AGTPBP1: variants seen among roughly 807,000 people sequenced by gnomAD.
AGTPBP1 encodes the protein cytosolic carboxypeptidase 1.
A neutral mutation model predicts 143.9 loss-of-function variants in AGTPBP1; 70 were observed. That is an observed-to-expected ratio of 0.49 (90% CI 0.40 to 0.59). The LOEUF (loss-of-function observed/expected upper bound fraction) is 0.59. Among genes scored for constraint, AGTPBP1 ranks in the 20% least tolerant of loss-of-function variants. The probability of loss-of-function intolerance (pLI) is 0.00; values close to 1 mark genes in which losing one functional copy is unlikely to be tolerated. For synonymous variants in AGTPBP1, 463 were observed against 500.2 expected (o/e 0.93, Z 0.99); for missense variants, 1,229 against 1,464.5 (o/e 0.84, Z 2.62).
intron 2 of AGTPBP1, among the ~76,000 whole-genome samples, chr9:85,707,286 G>A (rs902649130): frequency 6.6e-6 from 1 of 152,000 alleles, no homozygotes; most frequent in Non-Finnish European, 1.5e-5. Flanking sequence ...ACAGTAGAAC[G>A]GAAATCTTTC....
At chr9:85,721,662 C>G (rs62570607) in intron 1 of AGTPBP1, among the ~76,000 whole-genome samples, 2,258 of 152,128 alleles carry the variant, frequency 0.015, 25 homozygotes, top group Middle Eastern at 0.037. Flanking sequence ...GGCATTTAGC[C>G]CATTTACATT....
chr9:85,667,594 GT>G (rs1020087239), intron 8 of AGTPBP1, among the ~76,000 whole-genome samples: 1 of 152,044 alleles, frequency 6.6e-6, no homozygotes, highest in Non-Finnish European at 1.5e-5. Flanking sequence ...ATAAAACAAA[GT>G]TGCCAGCTCC....
intron 2 of AGTPBP1, among the ~76,000 whole-genome samples, chr9:85,703,616 A>G (rs1564163331): frequency 6.6e-6 from 1 of 152,248 alleles, no homozygotes; most frequent in Non-Finnish European, 1.5e-5. Flanking sequence ...TCAGAGTAAC[A>G]CTAGAGGATG....
At chr9:85,796,713 C>G in the AGTPBP1 span, among the ~76,000 whole-genome samples, 1 of 152,162 alleles carries the variant, frequency 6.6e-6, no homozygotes, top group Non-Finnish European at 1.5e-5. Flanking sequence ...GTGATTATTA[C>G]ACATTGCATG....
chr9:85,685,468 T>C (rs1015494938), intron 3 of AGTPBP1, among the ~76,000 whole-genome samples: 10 of 152,034 alleles, frequency 6.6e-5, no homozygotes, highest in African/African-American at 2.2e-4. Context: ...GGAAACACAA[T>C]TGTAAGCACA....
chr9:85,785,298 C>T, the AGTPBP1 span, among the ~76,000 whole-genome samples: 1 of 151,966 alleles, frequency 6.6e-6, no homozygotes, highest in African/African-American at 2.4e-5. Context: ...CACACCACTG[C>T]ACTCCAACCT....
At chr9:85,701,763 G>A (rs770904937) in intron 2 of AGTPBP1, among the ~76,000 whole-genome samples, 3 of 152,148 alleles carry the variant, frequency 2.0e-5, no homozygotes, top group Non-Finnish European at 4.4e-5. Flanking sequence ...CAACTTAGAT[G>A]TACTACCTTT....
intron 25 of AGTPBP1, among the ~76,000 whole-genome samples, chr9:85,555,849 A>C (rs1587615908): frequency 6.6e-6 from 1 of 152,256 alleles, no homozygotes; most frequent in African/African-American, 2.4e-5. Context: ...AAACCAAAAC[A>C]CAGAAATAGA....
At chr9:85,578,553 T>C (rs941086508) in intron 24 of AGTPBP1, among the ~76,000 whole-genome samples, 1 of 152,156 alleles carries the variant, frequency 6.6e-6, no homozygotes, top group Admixed American at 6.5e-5. Flanking sequence ...GTATTTTAAA[T>C]GTAAAAAAAT....
chr9:85,597,014 T>C (rs1829342697), intron 17 of AGTPBP1, among the ~76,000 whole-genome samples: 1 of 152,162 alleles, frequency 6.6e-6, no homozygotes, highest in Non-Finnish European at 1.5e-5. Context: ...CTAAATGATA[T>C]ATTAGGTTTC....
chr9:85,609,307 T>C lies in AGTPBP1; in HGVS notation c.2335+9676A>G, dbSNP rs200644438. On this transcript the variant is annotated intron_variant, in intron 17 of 25. Coordinates refer to ENST00000357081, the MANE Select transcript of AGTPBP1 (RefSeq NM_001330701.2). ...GTACAGATCTTTTTTTTTTTTTTTT[T>C]GAGATGGAGTTTCGCTCTTGTTGCC... 3.6e-5 allele frequency among the ~76,000 whole-genome samples: 5 copies of C among 138,372 alleles called. No homozygotes were observed. The South Asian group carries it at 1.0e-3, about 28-fold the overall frequency. The allele number at this position is 138,372 out of a possible 152,430, so 90.8% of individuals were successfully genotyped here. A position where few individuals can be genotyped will look rare whatever the true frequency, so the allele number is the denominator to read the frequency against.
At chr9:85,579,790 ATCAT>A (rs1300594094) in intron 23 of AGTPBP1, among the ~76,000 whole-genome samples, 2 of 150,488 alleles carry the variant, frequency 1.3e-5, no homozygotes, top group African/African-American at 4.9e-5. Flanking sequence ...GAAAAGATTG[ATCAT>A]TCATTAAATA....
At chr9:85,618,100 C>T (rs574543328) in intron 17 of AGTPBP1, among the ~76,000 whole-genome samples, 4 of 151,956 alleles carry the variant, frequency 2.6e-5, no homozygotes, top group South Asian at 2.1e-4. Flanking sequence ...ATTATCCAGG[C>T]GTGGTGGCAC....
intron 1 of AGTPBP1, among the ~76,000 whole-genome samples, chr9:85,713,248 T>C (rs1587958931): frequency 1.3e-5 from 2 of 152,308 alleles, no homozygotes; most frequent in African/African-American, 2.4e-5. Context: ...AAGTTAATCA[T>C]GGCTGGGCAT....
chr9:85,712,937 T>C (rs62570596), intron 1 of AGTPBP1, among the ~76,000 whole-genome samples: 2,253 of 152,324 alleles, frequency 0.015, 25 homozygotes, highest in Middle Eastern at 0.037. Context: ...TTAGTGCACT[T>C]ACTGTACACC....
chr9:85,571,566 C>T (rs1199935462), intron 25 of AGTPBP1, among the ~76,000 whole-genome samples: 1 of 152,020 alleles, frequency 6.6e-6, no homozygotes, highest in African/African-American at 2.4e-5. Context: ...AAAGTACGTG[C>T]CCATTAAAAT....
At chr9:85,681,382 G>GT (rs1255117889) in intron 3 of AGTPBP1, 47 bp from the exon 4 acceptor site, 1 of 1,527,648 alleles carries the variant, frequency 6.5e-7, no homozygotes, top group Non-Finnish European at 9.0e-7. Flanking sequence ...ATTTTTAAAA[G>GT]TATGTATAGT....
chr9:85,552,649 C>T (rs1433589814), intron 25 of AGTPBP1, among the ~76,000 whole-genome samples: 1 of 152,194 alleles, frequency 6.6e-6, no homozygotes, highest in Non-Finnish European at 1.5e-5. Context: ...TTGCTGGGCT[C>T]ATATGATGAT....
chr9:85,709,504 G>A (rs1837228889), intron 2 of AGTPBP1, among the ~76,000 whole-genome samples: 1 of 152,066 alleles, frequency 6.6e-6, no homozygotes, highest in Non-Finnish European at 1.5e-5. Flanking sequence ...GGTTATCCAG[G>A]GTAAGGACTT....
Sources: gnomAD v4.1 joint callset for allele counts (sites outside exome capture counted in the v4.1 genomes callset) on GRCh38, gnomAD v4.1.1 for gene constraint, MANE v1.5 for transcripts, NCBI Gene and HGNC (gene_info 2026-07-23, HGNC 2026-07-21) for gene names.